NR3C2: variants seen among roughly 807,000 people sequenced by gnomAD.
NR3C2 encodes the protein nuclear receptor subfamily 3 group C member 2.
Under a neutral mutation model 86.4 loss-of-function variants are expected in NR3C2, and 15 were observed. The ratio of observed to expected loss-of-function variants is 0.17; its 90% CI spans 0.12 to 0.27. NR3C2 has a LOEUF of 0.27. NR3C2 is among the 10% of genes least tolerant of loss of function. The probability of loss-of-function intolerance (pLI) is 1.00; values close to 1 mark genes in which losing one functional copy is unlikely to be tolerated. For missense variants in NR3C2, 960 were observed against 1,195.6 expected (o/e 0.80, Z 2.91); for synonymous variants, 458 against 450.5 (o/e 1.02, Z -0.21).
At chr4:148,136,081 A>AC (rs1560940027) in intron 6 of NR3C2, among the ~76,000 whole-genome samples, 12 of 143,836 alleles carry the variant, frequency 8.3e-5, no homozygotes, top group East Asian at 4.2e-4. Flanking sequence ...AAAAAACAAA[A>AC]AAAAAAAACA....
chr4:148,362,696 G>A (rs1362837338), intron 2 of NR3C2, among the ~76,000 whole-genome samples: 2 of 152,122 alleles, frequency 1.3e-5, no homozygotes, highest in East Asian at 3.8e-4. Context: ...TAGACTCAAA[G>A]AAGACAGAGC....
chr4:148,361,563 G>C (rs1485412824), intron 2 of NR3C2, among the ~76,000 whole-genome samples: 2 of 152,066 alleles, frequency 1.3e-5, no homozygotes, highest in African/African-American at 4.8e-5. Context: ...GAAATTGTGG[G>C]CTCTGGTTTT....
chr4:148,314,700 G>A (rs1743077116), intron 2 of NR3C2, among the ~76,000 whole-genome samples: 1 of 152,134 alleles, frequency 6.6e-6, no homozygotes, highest in Non-Finnish European at 1.5e-5. Flanking sequence ...GAAGTGAAAT[G>A]TAAATATCTG....
intron 2 of NR3C2, among the ~76,000 whole-genome samples, chr4:148,366,676 C>T (rs1310778968): frequency 6.6e-6 from 1 of 151,950 alleles, no homozygotes; most frequent in African/African-American, 2.4e-5. Context: ...TAAGACCTGT[C>T]AAATCATCAA....
chr4:148,389,526 T>G (rs939019606), intron 2 of NR3C2, among the ~76,000 whole-genome samples: 3 of 152,212 alleles, frequency 2.0e-5, no homozygotes, highest in African/African-American at 7.2e-5. Flanking sequence ...TGTCCTTTGC[T>G]CGTTTCTTTC....
intron 2 of NR3C2, among the ~76,000 whole-genome samples, chr4:148,400,503 A>T (rs1459672922): frequency 6.6e-6 from 1 of 152,068 alleles, no homozygotes; most frequent in Non-Finnish European, 1.5e-5. Flanking sequence ...GACTGTGGCC[A>T]GGCATGGTGG....
At chr4:148,402,626 A>C (rs1748224898) in intron 2 of NR3C2, among the ~76,000 whole-genome samples, 1 of 152,200 alleles carries the variant, frequency 6.6e-6, no homozygotes, top group Admixed American at 6.5e-5. Flanking sequence ...ATATGAACAC[A>C]ACAATCGCTA....
intron 2 of NR3C2, among the ~76,000 whole-genome samples, chr4:148,386,589 G>A (rs2126471113): frequency 6.6e-6 from 1 of 152,314 alleles, no homozygotes; most frequent in Non-Finnish European, 1.5e-5. Context: ...TTTTAGAGCT[G>A]AAAGGAGGAA....
Position 148,252,220 on chromosome 4 carries a change from C to G in NR3C2, c.1897+7758G>C, listed in dbSNP as rs535282812. On this transcript the variant is annotated intron_variant, in intron 3 of 8. Transcript: ENST00000358102. ...AAGAGCACAAACTCCTCAATAAATA[C>G]TTATTATTTTTAAAAATTAAAGGAT... Among the ~76,000 whole-genome samples the G allele has an allele frequency of 2.0e-5, 3 of 152,242 alleles. No homozygotes were observed. In the South Asian group the frequency reaches 6.2e-4, roughly 32 times the overall value.
chr4:148,299,723 C>T (rs1293978074), intron 2 of NR3C2, among the ~76,000 whole-genome samples: 1 of 152,236 alleles, frequency 6.6e-6, no homozygotes, highest in African/African-American at 2.4e-5. Context: ...AGGTTCTTCC[C>T]CATGGCATCT....
chr4:148,443,253 A>AAAGAG (rs1560742809), upstream of NR3C2, among the ~76,000 whole-genome samples: 4 of 134,496 alleles, frequency 3.0e-5, no homozygotes, highest in Non-Finnish European at 6.4e-5. Flanking sequence ...AAAAAAAAAA[A>AAAGAG]AGAGAGAGAG....
chr4:148,329,038 C>T (rs1176347039), intron 2 of NR3C2, among the ~76,000 whole-genome samples: 1 of 152,120 alleles, frequency 6.6e-6, no homozygotes, highest in East Asian at 1.9e-4. Flanking sequence ...TAAGATGGTG[C>T]GAGGAAGGTC....
At chr4:148,133,908 C>T (rs1325208710) in intron 6 of NR3C2, among the ~76,000 whole-genome samples, 5 of 152,242 alleles carry the variant, frequency 3.3e-5, no homozygotes, top group African/African-American at 4.8e-5. Context: ...TCTATGATCC[C>T]GTAAAGTAAG....
chr4:148,377,873 T>C (rs1387147092), intron 2 of NR3C2, among the ~76,000 whole-genome samples: 5 of 152,160 alleles, frequency 3.3e-5, no homozygotes, highest in African/African-American at 1.2e-4. Flanking sequence ...GGCCTCCCAG[T>C]TCCCGGGAGA....
At chr4:148,275,557 A>G (rs750618149) in intron 2 of NR3C2, among the ~76,000 whole-genome samples, 28 of 152,080 alleles carry the variant, frequency 1.8e-4, no homozygotes, top group Non-Finnish European at 4.0e-4. Context: ...CAGCCCCACA[A>G]GTAGCTGGGA....
chr4:148,273,030 G>A (rs1344960270), intron 2 of NR3C2, among the ~76,000 whole-genome samples: 1 of 152,116 alleles, frequency 6.6e-6, no homozygotes, highest in Non-Finnish European at 1.5e-5. Flanking sequence ...ATGTACCGGG[G>A]CCAGATGAGA....
chr4:148,081,614 G>T, intron 8 of NR3C2, 115 bp from the exon 9 acceptor site: 1 of 1,406,464 alleles, frequency 7.1e-7, no homozygotes, highest in Non-Finnish European at 9.8e-7. Flanking sequence ...CCTCCCAGGA[G>T]ACCATGTCTT....
chr4:148,223,430 A>G (rs1344114417), intron 3 of NR3C2, among the ~76,000 whole-genome samples: 1 of 152,166 alleles, frequency 6.6e-6, no homozygotes, highest in Non-Finnish European at 1.5e-5. Flanking sequence ...CAGACTGTGT[A>G]TTATACAAAT....
At chr4:148,284,662 T>TTA (rs36114978) in intron 2 of NR3C2, among the ~76,000 whole-genome samples, 1 of 152,204 alleles carries the variant, frequency 6.6e-6, no homozygotes, top group African/African-American at 2.4e-5. Flanking sequence ...TGACTTTGTA[T>TTA]CTTGTGAGCC....
Sources: allele counts gnomAD v4.1 joint callset (sites outside exome capture counted in the v4.1 genomes callset), GRCh38; gene constraint gnomAD v4.1.1; transcripts MANE v1.5; gene names NCBI Gene and HGNC (gene_info 2026-07-23, HGNC 2026-07-21).